Variants in SPON2 observed in about 807,000 individuals in gnomAD.
SPON2 encodes spondin 2.
SPON2 carries 32 observed loss-of-function variants against 29.9 expected under a neutral mutation model. That is an observed-to-expected ratio of 1.07 (90% CI 0.81 to 1.44). The LOEUF (loss-of-function observed/expected upper bound fraction) is 1.44. Ranked by LOEUF, SPON2 falls within the 40% of genes most tolerant of loss-of-function variation. The probability of loss-of-function intolerance (pLI) is 0.00; values close to 1 mark genes in which losing one functional copy is unlikely to be tolerated. For synonymous variants in SPON2, 248 were observed against 209.1 expected, an observed-to-expected ratio of 1.19 and a Z score of -1.61; for missense variants, 541 against 455.5, an observed-to-expected ratio of 1.19 and a Z score of -1.71.
At chr4:1,207,067 G>A (rs921174909) in intron 1 of SPON2, among the ~76,000 whole-genome samples, 1 of 151,960 alleles carries the variant, frequency 6.6e-6, no homozygotes, top group African/African-American at 2.4e-5. Context: ...GGAGGAGGCT[G>A]GAGTTGGTGT....
intron 1 of SPON2, among the ~76,000 whole-genome samples, chr4:1,180,648 G>A (rs1477968540): frequency 6.6e-6 from 1 of 152,188 alleles, no homozygotes; most frequent in African/African-American, 2.4e-5. Context: ...AAGTATAAGA[G>A]TGATGTTTTA....
intron 1 of SPON2, among the ~76,000 whole-genome samples, chr4:1,189,667 G>GA (rs1396597171): frequency 2.2e-5 from 3 of 133,992 alleles, no homozygotes; most frequent in African/African-American, 8.2e-5. Flanking sequence ...AAGAAAGAAA[G>GA]AAAGAAAAGA....
chr4:1,167,333 A>G lies in SPON2; in HGVS notation c.*139T>C, dbSNP rs1480106421. ...GCCACCAGAGGGCCCTTCAGTGCAG[A>G]GATGGTCGGCGCGGCCTCACCGCGG... On this transcript the variant is annotated 3_prime_UTR_variant, in exon 6 of 6. Transcript: ENST00000290902. 2.3e-6 allele frequency: 2 copies of G among 865,078 alleles called. No homozygotes were observed. The highest frequency in any genetic ancestry group is 3.5e-6 in the Non-Finnish European group (2 of 564,550). The allele number at this position is 865,078 out of a possible 1,614,324, so 53.6% of individuals were successfully genotyped here.
Position 1,167,504 on chromosome 4 carries a change from C to T in SPON2, c.964G>A (p.Glu322Lys). Residue 322 changes from glutamate to lysine, a missense_variant, in exon 6 of 6, where the codon GAG becomes AAG. By Grantham distance (56) the Glu-to-Lys change is moderately conservative (BLOSUM62 1). Transcript: ENST00000290902. ...NGSPCPELEE[E>K]AECVPDNCV Reference sequence around the variant, plus strand: ...CAGTTATCAGGGACGCACTCAGCCTCTTCTTCGAGCTCGGGGCAGGGGCTC... The same window carrying T: ...CAGTTATCAGGGACGCACTCAGCCTTTTCTTCGAGCTCGGGGCAGGGGCTC... The T allele has an allele frequency of 1.2e-6, 2 of 1,613,710 alleles. No homozygotes were observed. The highest frequency in any genetic ancestry group is 1.7e-6 in the Non-Finnish European group (2 of 1,179,886).
Position 1,172,066 on chromosome 4 carries a change from T to C in SPON2, c.6A>G (p.Glu2=). The change falls in exon 2 of 6, where the codon GAA becomes GAG. Residue 2 remains glutamate (E), a synonymous_variant. Transcript: ENST00000290902. The part of the protein sequence containing the change: M[E]NPSPAAALGK... ...CCAGGGCGGCGGCCGGGCTGGGGTT[T>C]TCCATCACCTGGGAGCACAGAGGGG... 6.2e-7 allele frequency: 1 copy of C among 1,610,520 alleles called. No homozygotes were observed. Among genetic ancestry groups the C allele is most frequent in the Non-Finnish European group, 8.5e-7 (1 of 1,179,420 alleles).
chr4:1,204,763 C>G (rs747531406), intron 1 of SPON2, among the ~76,000 whole-genome samples: 8 of 152,210 alleles, frequency 5.3e-5, no homozygotes, highest in African/African-American at 1.7e-4. Flanking sequence ...CAGGACAGAC[C>G]GGGCTTGTTG....
At position 1,171,195 on chromosome 4, in the gene SPON2, G is replaced by A; in HGVS notation, c.445-5C>T. On this transcript the variant is annotated splice_polypyrimidine_tract_variant and splice_region_variant and intron_variant, in intron 3 of 5. Transcript: ENST00000290902. Reference sequence around the variant, plus strand: ...GATGCGCACCACAAACGAGACCTGCGGCGACAGCGGCTCAGCGCGCCTGGC... The same window carrying A: ...GATGCGCACCACAAACGAGACCTGCAGCGACAGCGGCTCAGCGCGCCTGGC... 3 of 1,497,828 alleles carry A rather than the reference G, an allele frequency of 2.0e-6. No individual in the cohort carries two copies. The highest frequency in any genetic ancestry group is 1.9e-4 in the Middle Eastern group (1 of 5,352). 92.8% of individuals were successfully genotyped at this position (1,497,828 alleles called of 1,614,324 possible). A position where few individuals can be genotyped will look rare whatever the true frequency, so the allele number is the denominator to read the frequency against.
At chr4:1,178,396 G>A (rs1334750824) in intron 2 of SPON2, among the ~76,000 whole-genome samples, 1 of 151,472 alleles carries the variant, frequency 6.6e-6, no homozygotes, top group African/African-American at 2.4e-5. Context: ...TGGTTCTCCT[G>A]GCCCCCTCCC....
intron 1 of SPON2, among the ~76,000 whole-genome samples, chr4:1,181,887 C>T (rs958082195): frequency 6.6e-6 from 1 of 152,178 alleles, no homozygotes; most frequent in African/African-American, 2.4e-5. Flanking sequence ...CTCTCCTGCA[C>T]TGGATGAAGT....
At chr4:1,186,101 G>T (rs564524063) in intron 1 of SPON2, among the ~76,000 whole-genome samples, 1 of 149,442 alleles carries the variant, frequency 6.7e-6, no homozygotes, top group Non-Finnish European at 1.5e-5. Context: ...AAAATTAGCC[G>T]GGCGTGGTGG....
In SPON2 at chr4:1,167,513, G is replaced by T; in HGVS notation, c.955C>A (p.Leu319Ile). Reference sequence around the variant, plus strand: ...GGGACGCACTCAGCCTCTTCTTCGAGCTCGGGGCAGGGGCTCCCGTTGTTG... The same window carrying T: ...GGGACGCACTCAGCCTCTTCTTCGATCTCGGGGCAGGGGCTCCCGTTGTTG... ...PANNGSPCPE[L>I]EEEAECVPDN... is the part of the protein sequence containing the mutation. Residue 319 changes from leucine to isoleucine, a missense_variant, in exon 6 of 6, where the codon CTC becomes ATC. Coordinates refer to ENST00000290902, the MANE Select transcript of SPON2 (RefSeq NM_012445.4). 1 of 1,613,848 alleles carries T rather than the reference G, an allele frequency of 6.2e-7. No individual in the cohort carries two copies. The highest frequency in any genetic ancestry group is 8.5e-7 in the Non-Finnish European group (1 of 1,180,000).
In SPON2 at chr4:1,167,593, T is replaced by G. The variant is rs1224957377; in HGVS notation, c.875A>C (p.His292Pro). ...GCTCTTGGTCCCGAGCCTCCCACAG[T>G]GGCCTCCGCACAGTCCCCAGGACGA... ...LWSSWGLCGGHCGRLGTKSRT... is the reference protein window; with the variant it reads ...LWSSWGLCGGPCGRLGTKSRT... Residue 292 changes from histidine (H) to proline (P), a missense_variant, in exon 6 of 6, where the codon CAC becomes CCC. By Grantham distance (77) the His-to-Pro change is moderately conservative (BLOSUM62 -2). Transcript: ENST00000290902. 2 of 1,613,564 alleles carry G rather than the reference T, an allele frequency of 1.2e-6. No individual in the cohort carries two copies. The highest frequency in any genetic ancestry group is 1.7e-6 in the Non-Finnish European group (2 of 1,179,982).
upstream of SPON2, among the ~76,000 whole-genome samples, chr4:1,198,236 G>C (rs944171178): frequency 2.0e-5 from 3 of 152,188 alleles, no homozygotes; most frequent in African/African-American, 7.2e-5. Flanking sequence ...GTTGTCGTGG[G>C]TGTAAAGTCC....
chr4:1,174,089 A>C (rs1442268158), upstream of SPON2, among the ~76,000 whole-genome samples: 1 of 152,150 alleles, frequency 6.6e-6, no homozygotes, highest in African/African-American at 2.4e-5. Context: ...GGTCTCAACT[A>C]GTCAGGAGAC....
chr4:1,170,817 G>T, intron 4 of SPON2, 182 bp downstream of exon 4: 1 of 1,014,236 alleles, frequency 9.9e-7, no homozygotes, highest in Non-Finnish European at 1.5e-6. Flanking sequence ...GTGACCCCGG[G>T]TTGGGAGAGT....
In SPON2 at chr4:1,171,986, A is replaced by G. The variant is rs370405319; in HGVS notation, c.86T>C (p.Leu29Pro). The change falls in exon 2 of 6, where the codon CTT (leucine) becomes CCT (proline). Residue 29 changes from leucine to proline, a missense_variant. Transcript: ENST00000290902. ...GGCGGAACAGATGGACTCTCCCCCA[A>G]GAGGCTGGCCGGCGGCGCCGAGAGT... ...LATLGAAGQP[L>P]GGESICSARA... is the part of the protein sequence containing the mutation. 1.6e-5 allele frequency: 25 copies of G among 1,612,780 alleles called. No individual in the cohort carries two copies. The highest frequency in any genetic ancestry group is 5.3e-5 in the African/African-American group (4 of 74,924).
intron 1 of SPON2, chr4:1,200,849 T>C (rs1728183122): frequency 4.4e-6 from 2 of 456,526 alleles, no homozygotes; most frequent in Non-Finnish European, 8.8e-6. Context: ...AAGTCTGCAG[T>C]GTCCTCAATG....
chr4:1,191,129 C>T (rs988926863), intron 1 of SPON2, among the ~76,000 whole-genome samples: 2 of 148,090 alleles, frequency 1.4e-5, no homozygotes, highest in Non-Finnish European at 3.0e-5. Context: ...AAAATTCATA[C>T]GGAATTGCAA....
chr4:1,190,035 T>A, intron 1 of SPON2, among the ~76,000 whole-genome samples: 1 of 148,892 alleles, frequency 6.7e-6, no homozygotes. Context: ...TCAAGAAAAT[T>A]GAATAGCCAG....
Sources: allele counts gnomAD v4.1 joint callset (sites outside exome capture counted in the v4.1 genomes callset), GRCh38; gene constraint gnomAD v4.1.1; transcripts MANE v1.5; gene names NCBI Gene and HGNC (gene_info 2026-07-23, HGNC 2026-07-21).